CSMD3: variants seen among roughly 807,000 people sequenced by gnomAD.
CSMD3 encodes the protein CUB and Sushi multiple domains 3, also known as CUB and sushi domain-containing protein 3.
CSMD3 carries 177 observed loss-of-function variants against 435.2 expected under a neutral mutation model. The ratio of observed to expected loss-of-function variants is 0.41; its 90% CI spans 0.36 to 0.46. The LOEUF (loss-of-function observed/expected upper bound fraction) is 0.46. CSMD3 is among the 20% of genes least tolerant of loss of function. CSMD3 has a pLI of 0.34. For synonymous variants in CSMD3, 1,656 were observed against 1,520.5 expected (o/e 1.09, Z -2.07); for missense variants, 4,265 against 4,504.6 (o/e 0.95, Z 1.52).
chr8:113,285,297 T>C (rs1228782881), intron 2 of CSMD3, among the ~76,000 whole-genome samples: 1 of 148,738 alleles, frequency 6.7e-6, no homozygotes, highest in Non-Finnish European at 1.5e-5. Context: ...TCTAGCTCTG[T>C]TGCCCAGGCT....
intron 9 of CSMD3, among the ~76,000 whole-genome samples, chr8:112,930,301 A>G (rs961955306): frequency 1.6e-4 from 24 of 152,140 alleles, no homozygotes; most frequent in Non-Finnish European, 3.4e-4. Flanking sequence ...AAATAATGTA[A>G]TGAAGATAAA....
chr8:112,807,911 A>G (rs1466752897), intron 12 of CSMD3, among the ~76,000 whole-genome samples: 1 of 152,184 alleles, frequency 6.6e-6, no homozygotes, highest in East Asian at 1.9e-4. Context: ...AAAATTACCT[A>G]ATAAAGTAAC....
intron 1 of CSMD3, among the ~76,000 whole-genome samples, chr8:113,373,275 T>C (rs542743255): frequency 6.6e-6 from 1 of 152,232 alleles, no homozygotes; most frequent in Admixed American, 6.5e-5. Context: ...ATAAAATCTC[T>C]GCATTTATTT....
At chr8:112,508,002 T>C (rs186755077) in intron 28 of CSMD3, among the ~76,000 whole-genome samples, 1 of 152,178 alleles carries the variant, frequency 6.6e-6, no homozygotes, top group Non-Finnish European at 1.5e-5. Context: ...GCTTCGATGT[T>C]CTGTAGTCCT....
intron 12 of CSMD3, among the ~76,000 whole-genome samples, chr8:112,828,744 T>C (rs1192467805): frequency 6.6e-6 from 1 of 152,158 alleles, no homozygotes; most frequent in Non-Finnish European, 1.5e-5. Flanking sequence ...AAAACAGAAC[T>C]GTAGTAGGCC....
Position 112,306,046 on chromosome 8 carries a change from C to G in CSMD3, c.8032G>C (p.Gly2678Arg). ...ELTTAVCQSD[G>R]TWSNHNKTPR... ...GTCTTGTTATGATTGCTCCATGTTCCATCTGATTGGCATACAGCTGTAGTG... is the reference window on the plus strand; with the variant it reads ...GTCTTGTTATGATTGCTCCATGTTCGATCTGATTGGCATACAGCTGTAGTG... Residue 2678 changes from glycine to arginine, a missense_variant, in exon 51 of 71, where the codon GGA becomes CGA. Coordinates refer to ENST00000297405, the MANE Select transcript of CSMD3 (RefSeq NM_198123.2). 1 of 1,613,824 alleles carries G rather than the reference C, an allele frequency of 6.2e-7. No homozygotes were observed. Among genetic ancestry groups the G allele is most frequent in the Non-Finnish European group, 8.5e-7 (1 of 1,179,834 alleles).
At chr8:112,407,125 A>AT (rs1291346205) in intron 34 of CSMD3, among the ~76,000 whole-genome samples, 1 of 151,652 alleles carries the variant, frequency 6.6e-6, no homozygotes. Flanking sequence ...ATAATTTTAC[A>AT]TTTTTTTCAG....
intron 19 of CSMD3, 86 bp from the exon 20 acceptor site, chr8:112,645,311 C>T (rs2074950156): frequency 7.4e-6 from 6 of 808,934 alleles, no homozygotes; most frequent in East Asian, 2.4e-5. Flanking sequence ...TTGAATTGAG[C>T]AGTCGCATTA....
At chr8:112,670,254 G>A (rs1431879970) in intron 16 of CSMD3, among the ~76,000 whole-genome samples, 1 of 152,108 alleles carries the variant, frequency 6.6e-6, no homozygotes, top group Admixed American at 6.6e-5. Flanking sequence ...AATGCATAGA[G>A]GATTGAGTTA....
chr8:112,366,104 T>C lies in CSMD3; in HGVS notation c.6137-13570A>G, dbSNP rs982740817. Among the ~76,000 whole-genome samples, 26 of 152,052 alleles carry C rather than the reference T, an allele frequency of 1.7e-4. 1 individual carries two copies. Among genetic ancestry groups the C allele is most frequent in the Admixed American group, 1.0e-3 (16 of 15,254 alleles). ...TGAAGACAAAGCACAACCAAAGCAATGGCTACCAAAAGGTGGAAGTGGTTC... is the reference window on the plus strand; with the variant it reads ...TGAAGACAAAGCACAACCAAAGCAACGGCTACCAAAAGGTGGAAGTGGTTC... On this transcript the variant is annotated intron_variant, in intron 38 of 70. Transcript: ENST00000297405.
intron 31 of CSMD3, among the ~76,000 whole-genome samples, chr8:112,489,712 A>G (rs2130837971): frequency 6.6e-6 from 1 of 152,326 alleles, no homozygotes; most frequent in South Asian, 2.1e-4. Context: ...ATTGTTTAGT[A>G]TTAAAGATAT....
At chr8:113,250,272 A>G (rs2093322496) in intron 3 of CSMD3, among the ~76,000 whole-genome samples, 1 of 152,108 alleles carries the variant, frequency 6.6e-6, no homozygotes, top group Non-Finnish European at 1.5e-5. Context: ...CTGCCTATTC[A>G]TCAAATAAAG....
intron 4 of CSMD3, among the ~76,000 whole-genome samples, chr8:113,122,027 T>C (rs2131638945): frequency 6.6e-6 from 1 of 152,226 alleles, no homozygotes; most frequent in East Asian, 1.9e-4. Context: ...CTTTTTTCCT[T>C]CTTAGGTCCA....
chr8:112,373,489 C>T (rs1332568671), intron 38 of CSMD3, among the ~76,000 whole-genome samples: 2 of 151,862 alleles, frequency 1.3e-5, no homozygotes, highest in Non-Finnish European at 2.9e-5. Flanking sequence ...TTTTGCTTAT[C>T]TCAAGTACCT....
chr8:112,479,128 G>T (rs1454612234), intron 31 of CSMD3, among the ~76,000 whole-genome samples: 2 of 152,180 alleles, frequency 1.3e-5, no homozygotes, highest in African/African-American at 4.8e-5. Context: ...CTATAACAAA[G>T]GCAAGCTGGG....
chr8:113,219,526 T>C (rs776745019), intron 3 of CSMD3, among the ~76,000 whole-genome samples: 27 of 151,536 alleles, frequency 1.8e-4, no homozygotes, highest in Non-Finnish European at 3.4e-4. Flanking sequence ...CAATACATGA[T>C]AAAAGTGGTA....
chr8:112,735,809 C>CT (rs551291376), intron 13 of CSMD3, among the ~76,000 whole-genome samples: 94 of 151,196 alleles, frequency 6.2e-4, no homozygotes, highest in Non-Finnish European at 8.1e-4. Context: ...CAATATAACA[C>CT]TTTTTTTTTA....
chr8:113,435,623 C>G (rs1245279654), intron 1 of CSMD3, among the ~76,000 whole-genome samples: 1 of 151,990 alleles, frequency 6.6e-6, no homozygotes, highest in Non-Finnish European at 1.5e-5. Context: ...CCCCCGCCCC[C>G]CCGCGACACA....
At chr8:112,340,339 T>C (rs1168786525) in intron 42 of CSMD3, among the ~76,000 whole-genome samples, 1 of 152,210 alleles carries the variant, frequency 6.6e-6, no homozygotes, top group Non-Finnish European at 1.5e-5. Context: ...ATGTGTAATG[T>C]AGTGTTCTTA....
Sources: gnomAD v4.1 joint callset for allele counts (sites outside exome capture counted in the v4.1 genomes callset) on GRCh38, gnomAD v4.1.1 for gene constraint, MANE v1.5 for transcripts, NCBI Gene and HGNC (gene_info 2026-07-23, HGNC 2026-07-21) for gene names.